Variants in NEK11 observed in about 807,000 individuals in gnomAD.
NEK11 encodes NIMA related kinase 11, also known as serine/threonine-protein kinase Nek11.
A neutral mutation model predicts 80.7 loss-of-function variants in NEK11; 72 were observed. The observed-to-expected ratio is 0.89, with a 90% CI of 0.74 to 1.08. The LOEUF is 1.08. Among genes scored for constraint, NEK11 ranks in the 50% least tolerant of loss-of-function variants. The probability of loss-of-function intolerance (pLI) is 0.00; values close to 1 mark genes in which losing one functional copy is unlikely to be tolerated. For missense variants in NEK11, 764 were observed against 763.6 expected (o/e 1.00, Z -0.01); for synonymous variants, 251 against 260.7 (o/e 0.96, Z 0.36).
At chr3:131,338,932 GT>G (rs1302687008) in intron 17 of NEK11, among the ~76,000 whole-genome samples, 2 of 152,040 alleles carry the variant, frequency 1.3e-5, no homozygotes, top group Non-Finnish European at 2.9e-5. Context: ...GGCTGAATGA[GT>G]TTATCCAAAC....
rs562279219 is a variant in NEK11, at chr3:131,332,522, CAG to C, written c.1719-17032_1719-17031del. 1.3e-3 allele frequency among the ~76,000 whole-genome samples: 196 copies of C among 152,292 alleles called. 4 individuals carry two copies. In the South Asian group the frequency reaches 0.039, roughly 30 times the overall value. ...TAAAACCACAAAGATGGGGAAAAAACAGAGCAGAAAAACTGGAAACTCTAAAA... is the reference window on the plus strand; with the variant it reads ...TAAAACCACAAAGATGGGGAAAAAACAGCAGAAAAACTGGAAACTCTAAAA... On this transcript the variant is annotated intron_variant, in intron 17 of 17. Transcript: ENST00000383366.
chr3:131,190,657 A>G (rs776346446), intron 14 of NEK11, among the ~76,000 whole-genome samples: 1 of 152,162 alleles, frequency 6.6e-6, no homozygotes, highest in Non-Finnish European at 1.5e-5. Flanking sequence ...TTTTCTTTAT[A>G]AATTACCCAT....
In NEK11 at chr3:131,118,372, T is replaced by G. The variant is rs1484201980; in HGVS notation, c.455+8451T>G. Among the ~76,000 whole-genome samples, 9 of 152,332 alleles carry G rather than the reference T, an allele frequency of 5.9e-5. No individual in the cohort carries two copies. The East Asian group carries it at 1.7e-3, about 29-fold the overall frequency. On this transcript the variant is annotated intron_variant, in intron 5 of 17. Transcript: ENST00000383366. ...TTCTTGATGTGCTGTTGGATTCAGT[T>G]TGCCAGTATTTTATTGAGGATTTTT...
chr3:131,294,055 T>A (rs539760836), intron 17 of NEK11, among the ~76,000 whole-genome samples: 1 of 152,232 alleles, frequency 6.6e-6, no homozygotes, highest in African/African-American at 2.4e-5. Context: ...CTGTATTGAT[T>A]TCCCATTTTT....
At chr3:131,313,356 C>T (rs977858398) in intron 17 of NEK11, among the ~76,000 whole-genome samples, 3 of 152,064 alleles carry the variant, frequency 2.0e-5, no homozygotes, top group African/African-American at 4.8e-5. Context: ...ATCACTGGGT[C>T]GAATGGTAGT....
At chr3:131,185,404 C>T (rs2093558278) in intron 14 of NEK11, among the ~76,000 whole-genome samples, 1 of 152,130 alleles carries the variant, frequency 6.6e-6, no homozygotes, top group Non-Finnish European at 1.5e-5. Context: ...AGAAGAGTCT[C>T]AGACAGCACT....
At chr3:131,034,458 G>A (rs532228381) in intron 3 of NEK11, among the ~76,000 whole-genome samples, 1 of 151,710 alleles carries the variant, frequency 6.6e-6, no homozygotes, top group South Asian at 2.1e-4. Context: ...GGAGTGCAGT[G>A]GCGCGATCTT....
intron 14 of NEK11, among the ~76,000 whole-genome samples, chr3:131,187,024 T>C (rs2093627018): frequency 6.6e-6 from 1 of 152,164 alleles, no homozygotes; most frequent in Admixed American, 6.6e-5. Flanking sequence ...CAGCAGGCCT[T>C]TTTTTCATAG....
chr3:131,202,670 T>C (rs964827173), intron 14 of NEK11, among the ~76,000 whole-genome samples: 4 of 152,148 alleles, frequency 2.6e-5, no homozygotes, highest in African/African-American at 9.7e-5. Context: ...ATTTTTGCAA[T>C]CTACCCATCT....
At chr3:131,144,592 A>T (rs1394547618) in intron 7 of NEK11, among the ~76,000 whole-genome samples, 3 of 152,096 alleles carry the variant, frequency 2.0e-5, no homozygotes, top group African/African-American at 7.2e-5. Context: ...ATTTAACAAA[A>T]CCTCTAAGTG....
At chr3:131,316,074 C>T (rs2096836415) in intron 17 of NEK11, among the ~76,000 whole-genome samples, 1 of 151,972 alleles carries the variant, frequency 6.6e-6, no homozygotes, top group Non-Finnish European at 1.5e-5. Flanking sequence ...GTTTCATACA[C>T]CAGGTAGACA....
At chr3:131,092,135 A>T (rs866646668) in intron 4 of NEK11, among the ~76,000 whole-genome samples, 9 of 152,208 alleles carry the variant, frequency 5.9e-5, no homozygotes, top group Admixed American at 2.6e-4. Context: ...CAGTCTCTCA[A>T]AATTGGGCAT....
intron 16 of NEK11, among the ~76,000 whole-genome samples, chr3:131,255,100 GA>G (rs1284580183): frequency 1.3e-5 from 2 of 149,582 alleles, no homozygotes; most frequent in Non-Finnish European, 3.0e-5. Flanking sequence ...AAGAAAGAAA[GA>G]AAGAAAGAAA....
intron 14 of NEK11, among the ~76,000 whole-genome samples, chr3:131,194,211 G>A (rs2093912539): frequency 6.6e-6 from 1 of 152,134 alleles, no homozygotes; most frequent in African/African-American, 2.4e-5. Flanking sequence ...TTAAATGAAT[G>A]TATTCCTTTT....
chr3:131,308,410 C>T (rs1034388026), intron 17 of NEK11, among the ~76,000 whole-genome samples: 1 of 152,164 alleles, frequency 6.6e-6, no homozygotes, highest in South Asian at 2.1e-4. Flanking sequence ...CAACTTTACA[C>T]TCTGGCATGA....
chr3:131,233,136 G>A (rs942642521), intron 15 of NEK11, among the ~76,000 whole-genome samples: 9 of 151,774 alleles, frequency 5.9e-5, no homozygotes, highest in Non-Finnish European at 1.3e-4. Context: ...GGGAGGGAGA[G>A]AGAGAGGGAG....
intron 7 of NEK11, among the ~76,000 whole-genome samples, chr3:131,144,547 A>G (rs1430284481): frequency 1.3e-5 from 2 of 152,198 alleles, no homozygotes; most frequent in Non-Finnish European, 2.9e-5. Context: ...ATAGAAATAT[A>G]GTCACCATAT....
At chr3:131,345,420 T>C (rs1187009605) in intron 17 of NEK11, among the ~76,000 whole-genome samples, 1 of 152,198 alleles carries the variant, frequency 6.6e-6, no homozygotes, top group East Asian at 1.9e-4. Context: ...GACATAAAAA[T>C]GGCCAACGGA....
At chr3:131,172,754 T>G (rs1183526247) in intron 14 of NEK11, among the ~76,000 whole-genome samples, 1 of 152,186 alleles carries the variant, frequency 6.6e-6, no homozygotes, top group East Asian at 1.9e-4. Flanking sequence ...CTGGGCTGCA[T>G]TCCCAGGAGG....
Sources: allele counts gnomAD v4.1 joint callset (sites outside exome capture counted in the v4.1 genomes callset), GRCh38; gene constraint gnomAD v4.1.1; transcripts MANE v1.5; gene names NCBI Gene and HGNC (gene_info 2026-07-23, HGNC 2026-07-21).